LRRC4C: variants seen among roughly 807,000 people sequenced by gnomAD.
The protein encoded by LRRC4C is leucine-rich repeat-containing protein 4C.
In LRRC4C, 5 loss-of-function variants were observed where a neutral mutation model predicts 33.6. The observed-to-expected ratio is 0.15, with a 90% CI of 0.08 to 0.31. The LOEUF (loss-of-function observed/expected upper bound fraction) is 0.31. Ranked by LOEUF, LRRC4C falls within the 10% of genes least tolerant of loss-of-function variation. The pLI, the probability that LRRC4C is intolerant of heterozygous loss-of-function variation, is 1.00. For missense variants in LRRC4C, 560 were observed against 796.7 expected (o/e 0.70, Z 3.58); for synonymous variants, 329 against 302.0 (o/e 1.09, Z -0.93).
intron 1 of LRRC4C, among the ~76,000 whole-genome samples, chr11:41,266,499 C>A (rs1205577259): frequency 6.6e-6 from 1 of 151,900 alleles, no homozygotes; most frequent in Non-Finnish European, 1.5e-5. Flanking sequence ...AAGGAATAGA[C>A]AATTTTGAAA....
chr11:40,208,829 C>T (rs940893995), intron 5 of LRRC4C, among the ~76,000 whole-genome samples: 5 of 152,070 alleles, frequency 3.3e-5, no homozygotes, highest in Non-Finnish European at 5.9e-5. Context: ...CAATTGTTTA[C>T]ATTTCTTCCA....
At chr11:40,576,392 A>G (rs895106066) in intron 3 of LRRC4C, among the ~76,000 whole-genome samples, 1 of 152,178 alleles carries the variant, frequency 6.6e-6, no homozygotes, top group Non-Finnish European at 1.5e-5. Flanking sequence ...GTTCCTTTTT[A>G]TAATTTTTAG....
intron 1 of LRRC4C, among the ~76,000 whole-genome samples, chr11:41,338,887 C>T (rs1290576546): frequency 6.6e-6 from 1 of 151,902 alleles, no homozygotes; most frequent in Non-Finnish European, 1.5e-5. Context: ...TCCATAGATT[C>T]AGATTTTTTT....
chr11:40,782,232 T>G (rs931867319), intron 2 of LRRC4C, among the ~76,000 whole-genome samples: 9 of 152,176 alleles, frequency 5.9e-5, no homozygotes, highest in African/African-American at 2.2e-4. Context: ...TTTTACTATG[T>G]CATAGTAACA....
chr11:41,099,010 C>T (rs1286445652), intron 1 of LRRC4C, among the ~76,000 whole-genome samples: 3 of 152,078 alleles, frequency 2.0e-5, no homozygotes, highest in Non-Finnish European at 4.4e-5. Flanking sequence ...CTTTACTACT[C>T]TGACTCCACA....
At chr11:40,621,529 AAGGCAAGTTGC>A (rs1962449487) in intron 3 of LRRC4C, among the ~76,000 whole-genome samples, 2 of 126,020 alleles carry the variant, frequency 1.6e-5, no homozygotes, top group South Asian at 5.1e-4. Flanking sequence ...TAGAATCATA[AAGGCAAGTTGC>A]TTTTTTTGCC....
chr11:41,120,997 C>T (rs1230072015), intron 1 of LRRC4C, among the ~76,000 whole-genome samples: 1 of 152,106 alleles, frequency 6.6e-6, no homozygotes, highest in Non-Finnish European at 1.5e-5. Flanking sequence ...GTCACTCTTC[C>T]TGTTAAGCCT....
At chr11:41,222,222 T>C (rs1049010410) in intron 1 of LRRC4C, among the ~76,000 whole-genome samples, 3 of 152,178 alleles carry the variant, frequency 2.0e-5, no homozygotes, top group African/African-American at 7.2e-5. Context: ...TGAAAATCAC[T>C]TAAGACTGGG....
chr11:40,117,227 T>G (rs1855501263), intron 6 of LRRC4C, among the ~76,000 whole-genome samples: 1 of 152,192 alleles, frequency 6.6e-6, no homozygotes, highest in Non-Finnish European at 1.5e-5. Context: ...CACAATTTCT[T>G]TAAAATACCT....
At chr11:40,416,154 C>CAATTGTTG (rs1298877051) in intron 3 of LRRC4C, among the ~76,000 whole-genome samples, 1 of 152,146 alleles carries the variant, frequency 6.6e-6, no homozygotes, top group Non-Finnish European at 1.5e-5. Flanking sequence ...TCAATACCTT[C>CAATTGTTG]AACAATGCTT....
chr11:41,452,103 T>A (rs1253880799), intron 1 of LRRC4C, among the ~76,000 whole-genome samples: 1 of 152,152 alleles, frequency 6.6e-6, no homozygotes, highest in African/African-American at 2.4e-5. Flanking sequence ...CTTATATGGA[T>A]TATTTTCTTT....
At chr11:40,915,462 A>C (rs1364568389) in intron 2 of LRRC4C, among the ~76,000 whole-genome samples, 2 of 152,372 alleles carry the variant, frequency 1.3e-5, no homozygotes, top group African/African-American at 4.8e-5. Flanking sequence ...TCCCTATTTA[A>C]TAAATGGTGC....
intron 1 of LRRC4C, among the ~76,000 whole-genome samples, chr11:41,003,228 T>C (rs1363373843): frequency 1.3e-5 from 2 of 152,156 alleles, no homozygotes; most frequent in Non-Finnish European, 2.9e-5. Context: ...AATTTTTAAA[T>C]ACCATTTTTT....
At chr11:41,329,805 G>A (rs974687726) in intron 1 of LRRC4C, among the ~76,000 whole-genome samples, 1 of 152,148 alleles carries the variant, frequency 6.6e-6, no homozygotes, top group Non-Finnish European at 1.5e-5. Flanking sequence ...CATTTAATGG[G>A]CAGGGCTGAT....
At chr11:40,861,679 A>G (rs367868459) in intron 2 of LRRC4C, among the ~76,000 whole-genome samples, 3 of 152,276 alleles carry the variant, frequency 2.0e-5, no homozygotes, top group South Asian at 4.1e-4. Flanking sequence ...CTGTAAAGGA[A>G]TACCCAAGGC....
chr11:40,504,995 C>T (rs1459931766), intron 3 of LRRC4C, among the ~76,000 whole-genome samples: 2 of 152,142 alleles, frequency 1.3e-5, no homozygotes, highest in African/African-American at 2.4e-5. Flanking sequence ...TCTTCAGGCT[C>T]AAGTCTTCTA....
intron 5 of LRRC4C, among the ~76,000 whole-genome samples, chr11:40,175,268 T>C (rs1049777622): frequency 3.3e-5 from 5 of 152,254 alleles, no homozygotes. Context: ...CAAAGTTGTA[T>C]AGATAACCTA....
chr11:41,113,152 G>A (rs888232885), intron 1 of LRRC4C, among the ~76,000 whole-genome samples: 18 of 152,138 alleles, frequency 1.2e-4, no homozygotes, highest in Middle Eastern at 6.8e-3. Flanking sequence ...AGACATGGAG[G>A]TGATGCCACT....
At chr11:40,847,866 CT>C (rs1953269461) in intron 2 of LRRC4C, among the ~76,000 whole-genome samples, 1 of 145,490 alleles carries the variant, frequency 6.9e-6, no homozygotes, top group South Asian at 2.2e-4. Flanking sequence ...AGGAATTCAA[CT>C]TCTTCCTGGT....
Sources: gnomAD v4.1 joint callset for allele counts (sites outside exome capture counted in the v4.1 genomes callset) on GRCh38, gnomAD v4.1.1 for gene constraint, MANE v1.5 for transcripts, NCBI Gene and HGNC (gene_info 2026-07-23, HGNC 2026-07-21) for gene names.